CNTN5: variants seen among roughly 807,000 people sequenced by gnomAD.
CNTN5 encodes contactin-5.
A neutral mutation model predicts 129.1 loss-of-function variants in CNTN5; 77 were observed. The ratio of observed to expected loss-of-function variants is 0.60; its 90% CI spans 0.50 to 0.72. CNTN5 has a LOEUF of 0.72. CNTN5 is among the 30% of genes least tolerant of loss of function. CNTN5 has a pLI of 0.00. For missense variants in CNTN5, 1,478 were observed against 1,328.8 expected, an observed-to-expected ratio of 1.11 and a Z score of -1.75; for synonymous variants, 509 against 465.6, an observed-to-expected ratio of 1.09 and a Z score of -1.20.
Position 100,147,080 on chromosome 11 carries a change from A to AAAG in CNTN5, c.1581-44045_1581-44043dup, listed in dbSNP as rs1946874273. 2.0e-5 allele frequency among the ~76,000 whole-genome samples: 3 copies of AAAG among 152,144 alleles called. No individual in the cohort carries two copies. In the South Asian group the frequency reaches 6.2e-4, roughly 32 times the overall value. ...CCTCATGCCTCTTTCTCTACAGGAT[A>AAAG]AAGTCCATACTCTTTAGCATGGCAA... is the stretch of plus-strand genomic sequence containing the variant. On this transcript the variant is annotated intron_variant, in intron 13 of 24. Transcript: ENST00000524871.
At chr11:99,539,801 G>T (rs2135491424) in intron 2 of CNTN5, among the ~76,000 whole-genome samples, 1 of 152,160 alleles carries the variant, frequency 6.6e-6, no homozygotes, top group Non-Finnish European at 1.5e-5. Context: ...TGTAGGAAAT[G>T]AGTTCAACAT....
intron 16 of CNTN5, among the ~76,000 whole-genome samples, chr11:100,236,762 A>C (rs940307881): frequency 1.3e-5 from 2 of 152,088 alleles, no homozygotes; most frequent in African/African-American, 2.4e-5. Context: ...GCCTTTCAGA[A>C]GGCCTGCTCC....
chr11:99,509,891 C>T (rs1308429296), intron 2 of CNTN5, among the ~76,000 whole-genome samples: 1 of 151,782 alleles, frequency 6.6e-6, no homozygotes, highest in African/African-American at 2.4e-5. Flanking sequence ...TAATGCTGCA[C>T]AGGAGGTAAA....
Position 99,819,634 on chromosome 11 carries a change from A to G in CNTN5, c.146A>G (p.Lys49Arg), listed in dbSNP as rs764309266. The G allele has an allele frequency of 1.2e-6, 2 of 1,613,070 alleles. No individual in the cohort carries two copies. The highest frequency in any genetic ancestry group is 3.3e-5 in the Admixed American group (2 of 60,034). ...KSSSSSLFGS[K>R]TRPRYSSPSL... ...TCATCTTCATCTCTCTTTGGTTCCA[A>G]AACCAGACCACGATACAGCAGCCCT... Residue 49 changes from lysine (K) to arginine (R), a missense_variant, in exon 4 of 25, where the codon AAA (lysine) becomes AGA (arginine). Transcript: ENST00000524871.
chr11:99,780,992 G>T lies in CNTN5; in HGVS notation c.56-38552G>T, dbSNP rs567173088. Among the ~76,000 whole-genome samples, 45 of 152,064 alleles carry T rather than the reference G, an allele frequency of 3.0e-4. No individual in the cohort carries two copies. The South Asian group carries it at 8.7e-3, about 29-fold the overall frequency. On this transcript the variant is annotated intron_variant, in intron 3 of 24. Coordinates refer to ENST00000524871, the MANE Select transcript of CNTN5 (RefSeq NM_014361.4). Reference sequence around the variant, plus strand: ...ATCTTAGGAAATTTGAACACACAATGTTTCATGTTCCCATAAAAATATTGG... The same window carrying T: ...ATCTTAGGAAATTTGAACACACAATTTTTCATGTTCCCATAAAAATATTGG...
intron 2 of CNTN5, among the ~76,000 whole-genome samples, chr11:99,509,695 A>G (rs1021664554): frequency 3.3e-5 from 5 of 152,144 alleles, no homozygotes; most frequent in Non-Finnish European, 7.4e-5. Context: ...AAAACAAAAT[A>G]TACACAAAAA....
intron 13 of CNTN5, among the ~76,000 whole-genome samples, chr11:100,180,174 A>T (rs1373283293): frequency 1.3e-5 from 2 of 152,092 alleles, no homozygotes; most frequent in Non-Finnish European, 2.9e-5. Flanking sequence ...TATCTTGACG[A>T]AGAACAAAGT....
chr11:99,334,779 TATA>T (rs1241186634), intron 2 of CNTN5, among the ~76,000 whole-genome samples: 1 of 152,086 alleles, frequency 6.6e-6, no homozygotes. Context: ...ATGTAGAAAT[TATA>T]ATATTTTAGA....
rs1227683927 is a variant in CNTN5 at position 99,999,310 on chromosome 11, GA to G, written c.878-2717del. 1.6e-4 allele frequency among the ~76,000 whole-genome samples: 25 copies of G among 152,134 alleles called. No individual in the cohort carries two copies. In the South Asian group the frequency reaches 5.2e-3, roughly 32 times the overall value. ...ACAATGAACTCCAACAAATTTACAA[GA>G]AAAAAACAAAGAACCCCATCAAAAA... On this transcript the variant is annotated intron_variant, in intron 8 of 24. Coordinates refer to ENST00000524871, the MANE Select transcript of CNTN5 (RefSeq NM_014361.4).
intron 1 of CNTN5, among the ~76,000 whole-genome samples, chr11:99,141,289 G>A (rs577684628): frequency 6.6e-6 from 1 of 151,952 alleles, no homozygotes; most frequent in African/African-American, 2.4e-5. Context: ...GCATTGAAAT[G>A]TTTGTAATAG....
chr11:99,862,051 A>G (rs1056181764), intron 6 of CNTN5, among the ~76,000 whole-genome samples: 2 of 152,192 alleles, frequency 1.3e-5, no homozygotes, highest in African/African-American at 4.8e-5. Context: ...ATTACATACA[A>G]TATTTTTTCC....
intron 1 of CNTN5, among the ~76,000 whole-genome samples, chr11:99,257,516 A>G (rs755007344): frequency 6.6e-6 from 1 of 152,144 alleles, no homozygotes; most frequent in Non-Finnish European, 1.5e-5. Context: ...GTTGCAGCCA[A>G]TTTAAAGAAC....
At chr11:99,945,045 T>A (rs1298952058) in intron 7 of CNTN5, among the ~76,000 whole-genome samples, 1 of 152,048 alleles carries the variant, frequency 6.6e-6, no homozygotes, top group African/African-American at 2.4e-5. Flanking sequence ...GAAGCATTGA[T>A]GATAGTGAAG....
At chr11:99,240,973 T>C (rs946945766) in intron 1 of CNTN5, among the ~76,000 whole-genome samples, 5 of 152,204 alleles carry the variant, frequency 3.3e-5, no homozygotes, top group Admixed American at 3.3e-4. Context: ...TCAGAAATGT[T>C]CTTAAGTTAG....
chr11:100,027,571 A>G (rs1393165658), intron 9 of CNTN5, among the ~76,000 whole-genome samples: 1 of 152,150 alleles, frequency 6.6e-6, no homozygotes, highest in African/African-American at 2.4e-5. Context: ...TAGTTTTTCC[A>G]TATGGATGCA....
chr11:100,179,820 A>G (rs910774621), intron 13 of CNTN5, among the ~76,000 whole-genome samples: 1 of 152,130 alleles, frequency 6.6e-6, no homozygotes, highest in Admixed American at 6.6e-5. Context: ...ATATTTTATA[A>G]TTACATTCCC....
At chr11:100,263,279 T>C (rs777119951) in intron 17 of CNTN5, among the ~76,000 whole-genome samples, 2 of 152,156 alleles carry the variant, frequency 1.3e-5, no homozygotes. Flanking sequence ...TTTTGAAATA[T>C]AGAAATCAGT....
At chr11:100,276,293 A>C (rs1299268005) in intron 18 of CNTN5, among the ~76,000 whole-genome samples, 2 of 152,060 alleles carry the variant, frequency 1.3e-5, no homozygotes, top group African/African-American at 4.8e-5. Context: ...TAATCTCAGC[A>C]CTTTGGGACG....
At position 100,008,126 on chromosome 11, in the gene CNTN5, A is replaced by G. The variant is rs139745644; in HGVS notation, c.980+5990A>G. ...TTCATGGAGCTTCAAAACAGTTACA[A>G]TAATAACATTGAAAGATGACTAATC... On this transcript the variant is annotated intron_variant, in intron 9 of 24. Transcript: ENST00000524871. Among the ~76,000 whole-genome samples, 570 of 152,192 alleles carry G rather than the reference A, an allele frequency of 3.7e-3. 3 individuals are homozygous for G. The highest frequency in any genetic ancestry group is 0.013 in the African/African-American group (545 of 41,548).
Sources: gnomAD v4.1 joint callset for allele counts (sites outside exome capture counted in the v4.1 genomes callset) on GRCh38, gnomAD v4.1.1 for gene constraint, MANE v1.5 for transcripts, NCBI Gene and HGNC (gene_info 2026-07-23, HGNC 2026-07-21) for gene names.